ADAMTS16: variants seen among roughly 807,000 people sequenced by gnomAD.
ADAMTS16 encodes ADAM metallopeptidase with thrombospondin type 1 motif 16.
In ADAMTS16, 94 loss-of-function variants were observed where a neutral mutation model predicts 145.8. That is an observed-to-expected ratio of 0.64 (90% CI 0.55 to 0.77). The LOEUF (loss-of-function observed/expected upper bound fraction) is 0.77. Ranked by LOEUF, ADAMTS16 falls within the 30% of genes least tolerant of loss-of-function variation. The pLI is 0.00. For missense variants in ADAMTS16, 1,585 were observed against 1,591.5 expected (o/e 1.00, Z 0.07); for synonymous variants, 659 against 604.3 (o/e 1.09, Z -1.33).
chr5:5,305,920 C>G (rs567555142), intron 20 of ADAMTS16, among the ~76,000 whole-genome samples: 1 of 152,368 alleles, frequency 6.6e-6, no homozygotes, highest in South Asian at 2.1e-4. Context: ...CCTGCCTGGC[C>G]TGCTCGTTTG....
intron 17 of ADAMTS16, among the ~76,000 whole-genome samples, chr5:5,248,144 C>T (rs1276091520): frequency 4.6e-5 from 7 of 152,262 alleles, no homozygotes; most frequent in South Asian, 4.1e-4. Context: ...TTACAGAATT[C>T]GTTTGATTTT....
chr5:5,186,094 A>G lies in ADAMTS16; in HGVS notation c.806A>G (p.Asp269Gly), dbSNP rs752859292. The G allele has an allele frequency of 3.7e-6, 6 of 1,613,910 alleles. No homozygotes were observed. The African/African-American group carries it at 8.0e-5, about 22-fold the overall frequency. Residue 269 changes from aspartate (D) to glycine (G), a missense_variant, in exon 5 of 23, where the codon GAT (aspartate) becomes GGT (glycine). Transcript: ENST00000274181. ...AAGGAAGACCTCTTCATCTTGCCAG[A>G]TGAGTATAAGTCTTGCTTACGGCAT... ...PPKEDLFILP[D>G]EYKSCLRHKR... is the part of the protein sequence containing the mutation.
chr5:5,187,169 G>A (rs975889221), intron 5 of ADAMTS16, among the ~76,000 whole-genome samples: 7 of 152,170 alleles, frequency 4.6e-5, no homozygotes, highest in South Asian at 2.1e-4. Flanking sequence ...TTTCCGCAGC[G>A]CAGTGGCAAA....
chr5:5,181,965 T>C (rs1735350156), intron 3 of ADAMTS16, 79 bp from the exon 4 acceptor site: 1 of 1,446,818 alleles, frequency 6.9e-7, no homozygotes, highest in Non-Finnish European at 9.4e-7. Flanking sequence ...TAATAACAAA[T>C]GCAATGCTTG....
At chr5:5,143,248 C>G (rs968707370) in intron 2 of ADAMTS16, among the ~76,000 whole-genome samples, 1 of 152,092 alleles carries the variant, frequency 6.6e-6, no homozygotes, top group Non-Finnish European at 1.5e-5. Flanking sequence ...GGGCTAATAT[C>G]CAGAATCTAC....
At chr5:5,181,246 C>T (rs1735330381) in intron 3 of ADAMTS16, among the ~76,000 whole-genome samples, 1 of 152,148 alleles carries the variant, frequency 6.6e-6, no homozygotes, top group Non-Finnish European at 1.5e-5. Context: ...TGGGCTGGCC[C>T]TGGGGCTGCC....
chr5:5,175,967 G>T (rs1735182839), intron 3 of ADAMTS16: 1 of 152,258 alleles, frequency 6.6e-6, no homozygotes, highest in African/African-American at 2.4e-5. Flanking sequence ...GCAATATGAG[G>T]TTAAAACCAT....
intron 18 of ADAMTS16, among the ~76,000 whole-genome samples, chr5:5,266,796 G>C (rs1256714525): frequency 6.6e-6 from 1 of 152,152 alleles, no homozygotes; most frequent in Admixed American, 6.5e-5. Context: ...CTCGTTTACT[G>C]TCACTCTTAG....
chr5:5,148,346 G>T (rs1734358064), intron 3 of ADAMTS16, among the ~76,000 whole-genome samples: 1 of 152,210 alleles, frequency 6.6e-6, no homozygotes. Context: ...TCTTTGCAGA[G>T]CCCAGGGGCG....
In ADAMTS16 at chr5:5,140,692, C is replaced by A. The variant is rs769958940; in HGVS notation, c.101C>A (p.Ala34Glu). The change falls in exon 2 of 23, where the codon GCG becomes GAG. Residue 34 changes from alanine (A) to glutamate (E), a missense_variant. Transcript: ENST00000274181. ...CCTGCGTGCGCCATGGGACCCGCAG[C>A]GGCAGCGCCTGGGAGCCCGAGCGTC... is the stretch of plus-strand genomic sequence containing the variant. ...QAPACAMGPA[A>E]AAPGSPSVPR... is the part of the protein sequence containing the mutation. 2 of 1,562,922 alleles carry A rather than the reference C, an allele frequency of 1.3e-6. No homozygotes were observed. Among genetic ancestry groups the A allele is most frequent in the Non-Finnish European group, 1.7e-6 (2 of 1,156,784 alleles).
At chr5:5,277,152 C>A (rs950545147) in intron 18 of ADAMTS16, among the ~76,000 whole-genome samples, 6 of 152,174 alleles carry the variant, frequency 3.9e-5, no homozygotes, top group African/African-American at 1.4e-4. Flanking sequence ...CTTACGCTGT[C>A]TCCCAGCATG....
rs1389394001 is a variant in ADAMTS16, at chr5:5,239,920, G to A, written c.2518G>A (p.Val840Met). Reference protein sequence around the residue: ...ATGPTNETLIVELLFQGRNPG... With the variant: ...ATGPTNETLIMELLFQGRNPG... ...TGGACCAACCAACGAGACACTGATT[G>A]TGGAGGTAAAGTCCAGCCTCTTGAT... The change falls in exon 16 of 23, where the codon GTG (valine) becomes ATG (methionine). Residue 840 changes from valine (V) to methionine (M), a missense_variant. By Grantham distance (21) the Val-to-Met change is conservative (BLOSUM62 1). Coordinates refer to ENST00000274181, the MANE Select transcript of ADAMTS16 (RefSeq NM_139056.4). 1.1e-5 allele frequency: 17 copies of A among 1,613,634 alleles called. No homozygotes were observed. Among genetic ancestry groups the A allele is most frequent in the Non-Finnish European group, 1.4e-5 (17 of 1,179,806 alleles).
chr5:5,168,925 G>A (rs141865078), intron 3 of ADAMTS16, among the ~76,000 whole-genome samples: 1 of 151,282 alleles, frequency 6.6e-6, no homozygotes, highest in Non-Finnish European at 1.5e-5. Context: ...GATAGCCCCT[G>A]AGCCCCGGAT....
At chr5:5,309,816 G>C (rs1186026128) in intron 21 of ADAMTS16, among the ~76,000 whole-genome samples, 2 of 133,184 alleles carry the variant, frequency 1.5e-5, no homozygotes, top group South Asian at 2.8e-4. Context: ...AGGAGAGACA[G>C]GTCATGTCCT....
intron 17 of ADAMTS16, among the ~76,000 whole-genome samples, chr5:5,249,944 C>T (rs954183148): frequency 6.6e-6 from 1 of 152,092 alleles, no homozygotes; most frequent in Non-Finnish European, 1.5e-5. Context: ...GTCTGGCTGT[C>T]CCCAGCCAAA....
At chr5:5,274,571 T>A (rs1389948198) in intron 18 of ADAMTS16, among the ~76,000 whole-genome samples, 1 of 152,182 alleles carries the variant, frequency 6.6e-6, no homozygotes, top group Non-Finnish European at 1.5e-5. Context: ...ATTGTCTGGA[T>A]GCACCAGGTT....
intron 17 of ADAMTS16, among the ~76,000 whole-genome samples, chr5:5,256,405 C>A (rs1737784449): frequency 6.6e-6 from 1 of 152,204 alleles, no homozygotes; most frequent in Non-Finnish European, 1.5e-5. Flanking sequence ...CTGGCCAAGG[C>A]AAAACTTGCA....
At chr5:5,240,542 A>T (rs1389728826) in intron 16 of ADAMTS16, among the ~76,000 whole-genome samples, 1 of 152,018 alleles carries the variant, frequency 6.6e-6, no homozygotes, top group Non-Finnish European at 1.5e-5. Flanking sequence ...GGATGTTCTA[A>T]CTCCCCACCT....
chr5:5,224,847 G>C (rs1473217080), intron 11 of ADAMTS16, among the ~76,000 whole-genome samples: 5 of 152,126 alleles, frequency 3.3e-5, no homozygotes, highest in African/African-American at 9.7e-5. Context: ...CAGGCATCCT[G>C]CTTTCTGTGT....
Sources: gnomAD v4.1 joint callset for allele counts (sites outside exome capture counted in the v4.1 genomes callset) on GRCh38, gnomAD v4.1.1 for gene constraint, MANE v1.5 for transcripts, NCBI Gene and HGNC (gene_info 2026-07-23, HGNC 2026-07-21) for gene names.